The following ATXN7L1 variants were observed in gnomAD, a reference collection of about 807,000 sequenced individuals.
ATXN7L1 encodes the protein ataxin 7 like 1.
A neutral mutation model predicts 70.8 loss-of-function variants in ATXN7L1; 15 were observed. The observed-to-expected ratio is 0.21, with a 90% CI of 0.14 to 0.33. ATXN7L1 has a LOEUF of 0.33. Ranked by LOEUF, ATXN7L1 falls within the 10% of genes least tolerant of loss-of-function variation. The pLI is 1.00. For missense variants in ATXN7L1, 975 were observed against 1,097.1 expected (o/e 0.89, Z 1.57); for synonymous variants, 440 against 445.1 (o/e 0.99, Z 0.14).
At chr7:105,874,123 CAAAAAAAAAAAA>C (rs766696244) in intron 2 of ATXN7L1, among the ~76,000 whole-genome samples, 2 of 72,002 alleles carry the variant, frequency 2.8e-5, no homozygotes, top group African/African-American at 9.1e-5. Context: ...GAATCCGTAT[CAAAAAAAAAAAA>C]AAAAAAAAAA....
chr7:105,857,911 C>G (rs567694725), intron 2 of ATXN7L1, among the ~76,000 whole-genome samples: 1 of 152,164 alleles, frequency 6.6e-6, no homozygotes, highest in East Asian at 1.9e-4. Context: ...TCACCTTCAC[C>G]TTCAAGATTA....
intron 3 of ATXN7L1, among the ~76,000 whole-genome samples, chr7:105,682,903 CTGAAT>C (rs1422064588): frequency 6.6e-6 from 1 of 152,144 alleles, no homozygotes; most frequent in Non-Finnish European, 1.5e-5. Context: ...CTAAATGTCA[CTGAAT>C]TGTTCAGTTT....
intron 3 of ATXN7L1, among the ~76,000 whole-genome samples, chr7:105,781,497 C>T (rs552168235): frequency 1.5e-4 from 23 of 152,362 alleles, no homozygotes; most frequent in African/African-American, 5.5e-4. Flanking sequence ...ATCCTCTGCC[C>T]TGTCCCTGGA....
intron 3 of ATXN7L1, among the ~76,000 whole-genome samples, chr7:105,766,011 T>C (rs1388581151): frequency 6.6e-6 from 1 of 151,966 alleles, no homozygotes; most frequent in African/African-American, 2.4e-5. Flanking sequence ...ATGTGACCTA[T>C]GGCCACAGAA....
At chr7:105,621,782 C>G (rs1166847495) in intron 8 of ATXN7L1, among the ~76,000 whole-genome samples, 1 of 152,192 alleles carries the variant, frequency 6.6e-6, no homozygotes, top group Non-Finnish European at 1.5e-5. Context: ...CTCCCAGACA[C>G]AGGGCTGGAT....
chr7:105,620,142 G>C, intron 9 of ATXN7L1, 58 bp downstream of exon 9: 2 of 1,538,384 alleles, frequency 1.3e-6, no homozygotes, highest in Non-Finnish European at 1.8e-6. Flanking sequence ...AGAAAGTTAA[G>C]TTTCAGGTAA....
At chr7:105,830,415 C>A (rs1392880015) in intron 2 of ATXN7L1, among the ~76,000 whole-genome samples, 1 of 152,244 alleles carries the variant, frequency 6.6e-6, no homozygotes, top group Admixed American at 6.5e-5. Context: ...GTTTAATTCC[C>A]CCTCCCACCC....
Position 105,657,702 on chromosome 7 carries a change from C to CAAAAAAA in ATXN7L1, c.578+7357_578+7363dup, listed in dbSNP as rs71155465. ...TGGGTGACAGAGTGAGACCCTGTCT[C>CAAAAAAA]AAAAAAAAAAAAAAAAAAAAAAAAA... On this transcript the variant is annotated intron_variant, in intron 4 of 11. Transcript: ENST00000419735. Among the ~76,000 whole-genome samples the CAAAAAAA allele has an allele frequency of 4.6e-4, 12 of 26,082 alleles. 2 individuals are homozygous for CAAAAAAA. Among genetic ancestry groups the CAAAAAAA allele is most frequent in the East Asian group, 1.4e-3 (1 of 716 alleles). 17.1% of individuals were successfully genotyped at this position (26,082 alleles called of 152,430 possible).
At chr7:105,765,380 ATATCTG>A (rs1426102216) in intron 3 of ATXN7L1, among the ~76,000 whole-genome samples, 1 of 151,704 alleles carries the variant, frequency 6.6e-6, no homozygotes, top group African/African-American at 2.4e-5. Context: ...TGGGCTTGGG[ATATCTG>A]TATTCATTAA....
intron 3 of ATXN7L1, among the ~76,000 whole-genome samples, chr7:105,685,088 A>AAG (rs1563001698): frequency 1.9e-4 from 25 of 129,884 alleles, no homozygotes; most frequent in African/African-American, 7.3e-4. Context: ...ATAATAATAA[A>AAG]TGGTTTTCCA....
chr7:105,829,179 T>C (rs1420740352), intron 2 of ATXN7L1, among the ~76,000 whole-genome samples: 1 of 152,138 alleles, frequency 6.6e-6, no homozygotes, highest in Non-Finnish European at 1.5e-5. Flanking sequence ...CCCAGCACTT[T>C]GGGAGGCTGA....
chr7:105,855,123 T>C (rs376465825), intron 2 of ATXN7L1, among the ~76,000 whole-genome samples: 5 of 152,108 alleles, frequency 3.3e-5, no homozygotes, highest in African/African-American at 1.2e-4. Flanking sequence ...CCCAGCTAAT[T>C]TTTGTATTTT....
chr7:105,652,506 A>G (rs1409484938), intron 4 of ATXN7L1, among the ~76,000 whole-genome samples: 1 of 152,214 alleles, frequency 6.6e-6, no homozygotes, highest in Non-Finnish European at 1.5e-5. Flanking sequence ...GCTCAGGAGC[A>G]ACAAGCGGGA....
chr7:105,691,844 C>T (rs1047310704), intron 3 of ATXN7L1, among the ~76,000 whole-genome samples: 1 of 152,134 alleles, frequency 6.6e-6, no homozygotes, highest in Admixed American at 6.5e-5. Context: ...CGCTTGCACA[C>T]GCCAACTGTT....
intron 3 of ATXN7L1, among the ~76,000 whole-genome samples, chr7:105,745,900 C>T (rs1183099800): frequency 6.6e-6 from 1 of 152,178 alleles, no homozygotes; most frequent in Non-Finnish European, 1.5e-5. Flanking sequence ...GTCCACACTC[C>T]TATATCCAAC....
chr7:105,845,578 AG>A (rs1312179123), intron 2 of ATXN7L1, among the ~76,000 whole-genome samples: 2 of 151,884 alleles, frequency 1.3e-5, no homozygotes, highest in Non-Finnish European at 2.9e-5. Flanking sequence ...AAATTCAAGA[AG>A]TTCCTATTGT....
intron 3 of ATXN7L1, among the ~76,000 whole-genome samples, chr7:105,708,909 A>C (rs1407004579): frequency 1.3e-5 from 2 of 152,358 alleles, no homozygotes; most frequent in Admixed American, 6.5e-5. Flanking sequence ...CTTTTAGCAG[A>C]CCCAATTCAG....
At chr7:105,856,803 A>ATGTGTG (rs139766738) in intron 2 of ATXN7L1, among the ~76,000 whole-genome samples, 5 of 149,226 alleles carry the variant, frequency 3.4e-5, no homozygotes, top group Admixed American at 3.3e-4. Flanking sequence ...GTGTGTGTGT[A>ATGTGTG]TGTGTGTGTG....
chr7:105,714,382 G>C (rs1305713186), intron 3 of ATXN7L1, among the ~76,000 whole-genome samples: 5 of 152,206 alleles, frequency 3.3e-5, no homozygotes, highest in African/African-American at 1.2e-4. Context: ...CCAGGAATCT[G>C]TGCTTTACAA....
Sources: gnomAD v4.1 joint callset for allele counts (sites outside exome capture counted in the v4.1 genomes callset) on GRCh38, gnomAD v4.1.1 for gene constraint, MANE v1.5 for transcripts, NCBI Gene and HGNC (gene_info 2026-07-23, HGNC 2026-07-21) for gene names.